PRKCA: variants seen among roughly 807,000 people sequenced by gnomAD.
PRKCA encodes protein kinase C alpha type.
Under a neutral mutation model 87.0 loss-of-function variants are expected in PRKCA, and 27 were observed. The ratio of observed to expected loss-of-function variants is 0.31; its 90% CI spans 0.23 to 0.43. The LOEUF (loss-of-function observed/expected upper bound fraction) is 0.43, where lower values mean the gene tolerates loss of function less well. Ranked by LOEUF, PRKCA falls within the 20% of genes least tolerant of loss-of-function variation. The probability of loss-of-function intolerance (pLI) is 1.00; values close to 1 mark genes in which losing one functional copy is unlikely to be tolerated. For missense variants in PRKCA, 518 were observed against 852.3 expected, an observed-to-expected ratio of 0.61 and a Z score of 4.88; for synonymous variants, 329 against 311.1, an observed-to-expected ratio of 1.06 and a Z score of -0.61.
chr17:66,312,958 C>T (rs1351602242), intron 2 of PRKCA, among the ~76,000 whole-genome samples: 2 of 151,878 alleles, frequency 1.3e-5, no homozygotes, highest in African/African-American at 2.4e-5. Context: ...AGGCTAGTCT[C>T]GAACTCCTGA....
intron 3 of PRKCA, among the ~76,000 whole-genome samples, chr17:66,529,225 C>G (rs1967454728): frequency 6.6e-6 from 1 of 152,158 alleles, no homozygotes; most frequent in South Asian, 2.1e-4. Flanking sequence ...CAATAGCATT[C>G]TGTAACATAG....
chr17:66,547,557 T>C (rs1968183475), intron 3 of PRKCA, among the ~76,000 whole-genome samples: 1 of 152,224 alleles, frequency 6.6e-6, no homozygotes, highest in Non-Finnish European at 1.5e-5. Context: ...GAGAGTTGTT[T>C]ATAAATGACT....
chr17:66,678,583 C>T (rs12937372), intron 5 of PRKCA, among the ~76,000 whole-genome samples: 1 of 152,112 alleles, frequency 6.6e-6, no homozygotes, highest in East Asian at 1.9e-4. Context: ...AGGCATTCAT[C>T]TGGCAGGCAC....
At chr17:66,736,211 T>C (rs541926737) in intron 10 of PRKCA, among the ~76,000 whole-genome samples, 30 of 151,582 alleles carry the variant, frequency 2.0e-4, no homozygotes, top group African/African-American at 7.0e-4. Context: ...CATGAAAGGT[T>C]TTCTTCATGC....
At chr17:66,726,604 C>T (rs918194734) in intron 8 of PRKCA, among the ~76,000 whole-genome samples, 5 of 151,962 alleles carry the variant, frequency 3.3e-5, no homozygotes, top group East Asian at 1.9e-4. Flanking sequence ...GGGACCGAGG[C>T]GGAGGGAGTG....
At chr17:66,796,828 G>A (rs1352537630) in intron 16 of PRKCA, 8 of 985,226 alleles carry the variant, frequency 8.1e-6, no homozygotes, top group Non-Finnish European at 9.6e-6. Context: ...CCAGCACTGG[G>A]ACCTGAATAC....
At chr17:66,430,111 A>T (rs1913022282) in intron 2 of PRKCA, among the ~76,000 whole-genome samples, 1 of 152,102 alleles carries the variant, frequency 6.6e-6, no homozygotes, top group Admixed American at 6.5e-5. Flanking sequence ...ACAGCCCCTG[A>T]TGAGCTCTTC....
intron 2 of PRKCA, among the ~76,000 whole-genome samples, chr17:66,369,944 G>T (rs1908994670): frequency 6.6e-6 from 1 of 152,218 alleles, no homozygotes; most frequent in African/African-American, 2.4e-5. Flanking sequence ...AGCACTGCAG[G>T]TATTTCTAGC....
chr17:66,412,082 A>G (rs1911845871), intron 2 of PRKCA, among the ~76,000 whole-genome samples: 1 of 150,974 alleles, frequency 6.6e-6, no homozygotes. Context: ...TAATTAATTA[A>G]TTTACTTAAG....
intron 2 of PRKCA, among the ~76,000 whole-genome samples, chr17:66,454,575 G>A (rs997549602): frequency 1.3e-5 from 2 of 152,088 alleles, no homozygotes; most frequent in South Asian, 4.2e-4. Context: ...ATGTGTCTGG[G>A]GAGGCCTCAC....
intron 8 of PRKCA, among the ~76,000 whole-genome samples, chr17:66,701,338 A>G (rs757138570): frequency 1.1e-4 from 16 of 152,308 alleles, no homozygotes; most frequent in Non-Finnish European, 1.8e-4. Context: ...ACCTGAAACC[A>G]TAGAACTAGA....
At chr17:66,576,586 T>C (rs1969242827) in intron 3 of PRKCA, among the ~76,000 whole-genome samples, 1 of 152,228 alleles carries the variant, frequency 6.6e-6, no homozygotes, top group Non-Finnish European at 1.5e-5. Context: ...TGAAATTTCA[T>C]TTCTGCTGTT....
chr17:66,455,991 A>G (rs1186469391), intron 2 of PRKCA, among the ~76,000 whole-genome samples: 1 of 152,090 alleles, frequency 6.6e-6, no homozygotes, highest in Non-Finnish European at 1.5e-5. Flanking sequence ...TAGACACTAA[A>G]TCCATTGACT....
chr17:66,446,738 C>T (rs574520268), intron 2 of PRKCA, among the ~76,000 whole-genome samples: 64 of 152,230 alleles, frequency 4.2e-4, no homozygotes, highest in African/African-American at 1.2e-3. Flanking sequence ...CTGAGGACCC[C>T]GGTAGCCTCT....
At chr17:66,640,216 C>T (rs1477635233) in intron 3 of PRKCA, among the ~76,000 whole-genome samples, 2 of 152,148 alleles carry the variant, frequency 1.3e-5, no homozygotes, top group African/African-American at 4.8e-5. Flanking sequence ...ATAAGTAATT[C>T]GTCCAAGGCC....
chr17:66,760,102 A>G (rs1216337869), intron 13 of PRKCA, among the ~76,000 whole-genome samples: 1 of 152,224 alleles, frequency 6.6e-6, no homozygotes, highest in Non-Finnish European at 1.5e-5. Flanking sequence ...CAGCAGAATA[A>G]CATACATTCT....
chr17:66,507,106 G>A (rs972515467), intron 3 of PRKCA, among the ~76,000 whole-genome samples: 1 of 152,182 alleles, frequency 6.6e-6, no homozygotes, highest in Non-Finnish European at 1.5e-5. Context: ...CATTTATTGT[G>A]TGTGAGGTAT....
intron 2 of PRKCA, among the ~76,000 whole-genome samples, chr17:66,380,092 G>A (rs1433073870): frequency 6.6e-6 from 1 of 152,088 alleles, no homozygotes; most frequent in Non-Finnish European, 1.5e-5. Context: ...CTCTGAAATT[G>A]AGCTGACTAC....
intron 12 of PRKCA, among the ~76,000 whole-genome samples, 161 bp downstream of exon 12, chr17:66,741,882 A>G (rs1204480812): frequency 6.6e-6 from 1 of 152,136 alleles, no homozygotes; most frequent in Non-Finnish European, 1.5e-5. Flanking sequence ...CTGGAGGCAA[A>G]TCAGAGCCAC....
Sources: allele counts gnomAD v4.1 joint callset (sites outside exome capture counted in the v4.1 genomes callset), GRCh38; gene constraint gnomAD v4.1.1; transcripts MANE v1.5; gene names NCBI Gene and HGNC (gene_info 2026-07-23, HGNC 2026-07-21).